Variants in MAP7D2 observed in about 807,000 individuals in gnomAD.
MAP7D2 encodes the protein MAP7 domain-containing protein 2.
Under a neutral mutation model 63.5 loss-of-function variants are expected in MAP7D2, and 33 were observed. The observed-to-expected ratio is 0.52, with a 90% CI of 0.39 to 0.70. The LOEUF (loss-of-function observed/expected upper bound fraction) is 0.70. Among genes scored for constraint, MAP7D2 ranks in the 30% least tolerant of loss-of-function variants. The probability of loss-of-function intolerance (pLI) is 0.00; values close to 1 mark genes in which losing one functional copy is unlikely to be tolerated. For synonymous variants in MAP7D2, 224 were observed against 223.7 expected (o/e 1.00, Z -0.01); for missense variants, 626 against 604.0 (o/e 1.04, Z -0.38).
intron 1 of MAP7D2, among the ~76,000 whole-genome samples, chrX:20,083,133 T>TA (rs1329158903): frequency 8.9e-6 from 1 of 112,444 alleles, no homozygotes; most frequent in Non-Finnish European, 1.9e-5. Flanking sequence ...CCATGAATCT[T>TA]AAAGTTCAAT....
intron 1 of MAP7D2, among the ~76,000 whole-genome samples, chrX:20,084,309 A>G (rs1223418847): frequency 9.0e-6 from 1 of 111,584 alleles, no homozygotes; most frequent in East Asian, 2.8e-4. Context: ...CCTTCTTCAC[A>G]GTGTATACAC....
chrX:20,073,907 C>T (rs1306697801), intron 1 of MAP7D2, among the ~76,000 whole-genome samples: 5 of 103,076 alleles, frequency 4.9e-5, no homozygotes, highest in Admixed American at 2.0e-4. Flanking sequence ...GAGGCCGAGG[C>T]GGGCGGATCA....
chrX:20,065,210 C>T (rs746500644), intron 1 of MAP7D2, among the ~76,000 whole-genome samples: 10 of 107,828 alleles, frequency 9.3e-5, no homozygotes, highest in African/African-American at 3.4e-4. Context: ...AGGAGAAGCA[C>T]AAAAATGGAC....
At chrX:20,010,374 T>C (rs1329569868) in intron 16 of MAP7D2, among the ~76,000 whole-genome samples, 1 of 112,041 alleles carries the variant, frequency 8.9e-6, no homozygotes, top group Non-Finnish European at 1.9e-5. Flanking sequence ...TGTATATGAA[T>C]GATTCTAGAT....
At chrX:20,079,711 C>T (rs2065731192) in intron 1 of MAP7D2, among the ~76,000 whole-genome samples, 1 of 111,816 alleles carries the variant, frequency 8.9e-6, no homozygotes, top group African/African-American at 3.2e-5. Flanking sequence ...GGGGTAGAGG[C>T]AAGACCTTTT....
rs755063519 is a variant in MAP7D2, at chrX:20,043,376, CCTCTT to C, written c.880-752_880-748del. Among the ~76,000 whole-genome samples the C allele has an allele frequency of 9.1e-3, 1,027 of 112,532 alleles. 16 individuals carry two copies. Among genetic ancestry groups the C allele is most frequent in the African/African-American group, 0.031 (968 of 30,971 alleles). On this transcript the variant is annotated intron_variant, in intron 7 of 16. Transcript: ENST00000379643. Reference sequence around the variant, plus strand: ...TCGACAGGTGAGGCTTAATTCCTCTCCTCTTGAGTGTGGGTTGATCTTAGTGACTT... The same window carrying C: ...TCGACAGGTGAGGCTTAATTCCTCTCGAGTGTGGGTTGATCTTAGTGACTT...
chrX:20,040,219 G>A (rs1290204180), intron 8 of MAP7D2, among the ~76,000 whole-genome samples: 2 of 110,734 alleles, frequency 1.8e-5, no homozygotes, highest in Non-Finnish European at 3.8e-5. Context: ...TGGCTTCCTT[G>A]CTCCTCAGCT....
Position 20,010,540 on chromosome X carries a change from CCAT to C in MAP7D2, c.*26+234_*26+236del, listed in dbSNP as rs1253299839. 3.6e-5 allele frequency among the ~76,000 whole-genome samples: 4 copies of C among 111,604 alleles called. No homozygotes were observed. In the Admixed American group the frequency reaches 3.8e-4, roughly 11 times the overall value. ...CCTTTAGCCAGTGTTCTCAACTTTC[CCAT>C]CTACACACCCTAAATAGCAGGGTTA... On this transcript the variant is annotated intron_variant, in intron 16 of 16. Transcript: ENST00000379643.
chrX:20,032,317 G>A (rs947622754), intron 8 of MAP7D2, among the ~76,000 whole-genome samples: 2 of 111,630 alleles, frequency 1.8e-5, no homozygotes, highest in East Asian at 5.6e-4. Flanking sequence ...ATGATGTGGT[G>A]GCAAAAACAG....
At chrX:20,069,774 A>AT (rs747257549) in intron 1 of MAP7D2, among the ~76,000 whole-genome samples, 152 of 87,301 alleles carry the variant, frequency 1.7e-3, no homozygotes, top group Middle Eastern at 5.6e-3. Flanking sequence ...TCTCTCTGTA[A>AT]TTTTTTTTTT....
intron 1 of MAP7D2, among the ~76,000 whole-genome samples, chrX:20,072,065 G>A (rs1236168135): frequency 2.7e-5 from 3 of 111,554 alleles, no homozygotes; most frequent in Admixed American, 9.5e-5. Flanking sequence ...AAAGGGCCAC[G>A]AATATTATGT....
chrX:20,056,881 C>A, intron 3 of MAP7D2, 90 bp from the exon 4 acceptor site: 2 of 807,564 alleles, frequency 2.5e-6, no homozygotes, highest in Non-Finnish European at 3.6e-6. Flanking sequence ...TGTGAGTCAC[C>A]AAATGGGGCT....
chrX:20,060,432 G>GAGAGAAAGAA (rs1398752566), intron 3 of MAP7D2, among the ~76,000 whole-genome samples: 2 of 69,227 alleles, frequency 2.9e-5, no homozygotes, highest in African/African-American at 1.4e-4. Context: ...GAGAGAGAGA[G>GAGAGAAAGAA]AGAAAGAAAG....
chrX:20,016,813 A>G (rs1244544965), intron 10 of MAP7D2, among the ~76,000 whole-genome samples: 1 of 112,547 alleles, frequency 8.9e-6, no homozygotes, highest in Non-Finnish European at 1.9e-5. Flanking sequence ...TCTAATTGGT[A>G]TGTGACTTAT....
chrX:20,073,900 G>C (rs1270536371), intron 1 of MAP7D2, among the ~76,000 whole-genome samples: 4 of 103,155 alleles, frequency 3.9e-5, no homozygotes, highest in Admixed American at 2.0e-4. Flanking sequence ...ACTTTGAGAG[G>C]CCGAGGCGGG....
intron 1 of MAP7D2, among the ~76,000 whole-genome samples, chrX:20,072,435 GA>G (rs2065528519): frequency 9.0e-6 from 1 of 111,503 alleles, no homozygotes. Context: ...CATCCATCAG[GA>G]TACAAGCTTC....
At chrX:20,094,388 C>G (rs1432321663) in intron 1 of MAP7D2, among the ~76,000 whole-genome samples, 1 of 98,423 alleles carries the variant, frequency 1.0e-5, no homozygotes, top group Non-Finnish European at 2.1e-5. Context: ...AGCAGGGGAG[C>G]CTTTCTAAAC....
At chrX:20,061,382 G>T (rs2065222198) in intron 3 of MAP7D2, among the ~76,000 whole-genome samples, 1 of 111,891 alleles carries the variant, frequency 8.9e-6, no homozygotes, top group South Asian at 3.8e-4. Context: ...GCCTGTGTGT[G>T]GCAAGTCCCT....
chrX:20,013,093 C>T lies in MAP7D2; in HGVS notation c.1846G>A (p.Val616Met). The change falls in exon 14 of 17, where the codon GTG (valine) becomes ATG (methionine). Residue 616 changes from valine to methionine, a missense_variant. By Grantham distance (21) the Val-to-Met change is conservative (BLOSUM62 1). Coordinates refer to ENST00000379643, the MANE Select transcript of MAP7D2 (RefSeq NM_001168465.2). ...ACAACCAGTTTTGTCTTCTTTTCCA[C>T]ACACACAGCAGGCTGGACCCCCACT... ...PKVGVQPAVC[V>M]EKKTKLVVPN... 7 of 1,211,328 alleles carry T rather than the reference C, an allele frequency of 5.8e-6. No homozygotes were observed. Among genetic ancestry groups the T allele is most frequent in the Non-Finnish European group, 7.8e-6 (7 of 895,054 alleles).
Sources: allele counts gnomAD v4.1 joint callset (sites outside exome capture counted in the v4.1 genomes callset), GRCh38; gene constraint gnomAD v4.1.1; transcripts MANE v1.5; gene names NCBI Gene and HGNC (gene_info 2026-07-23, HGNC 2026-07-21).